Variants in SRPK2 observed in about 807,000 individuals in gnomAD.
The protein encoded by SRPK2 is SFRS protein kinase 2.
In SRPK2, 21 loss-of-function variants were observed where a neutral mutation model predicts 90.8. The observed-to-expected ratio is 0.23, with a 90% CI of 0.16 to 0.33. SRPK2 has a LOEUF of 0.33. SRPK2 is among the 10% of genes least tolerant of loss of function. SRPK2 has a pLI of 1.00. For missense variants in SRPK2, 620 were observed against 869.0 expected (o/e 0.71, Z 3.60); for synonymous variants, 288 against 311.1 (o/e 0.93, Z 0.78).
At chr7:105,299,698 G>C (rs927213351) in intron 2 of SRPK2, among the ~76,000 whole-genome samples, 1 of 152,246 alleles carries the variant, frequency 6.6e-6, no homozygotes, top group Non-Finnish European at 1.5e-5. Flanking sequence ...TTCTAGACCA[G>C]CCTGGTTAAC....
intron 3 of SRPK2, among the ~76,000 whole-genome samples, chr7:105,169,645 T>C (rs1476134627): frequency 6.6e-6 from 1 of 152,070 alleles, no homozygotes; most frequent in Non-Finnish European, 1.5e-5. Flanking sequence ...GAGAATCACT[T>C]GAAACTGGGA....
chr7:105,299,679 G>A (rs58907242), intron 2 of SRPK2, among the ~76,000 whole-genome samples: 1,621 of 152,192 alleles, frequency 0.011, 23 homozygotes, highest in African/African-American at 0.037. Flanking sequence ...GACCATCTGA[G>A]GTCAGGAGTT....
upstream of SRPK2, among the ~76,000 whole-genome samples, chr7:105,392,274 AGGT>A (rs1329384358): frequency 1.3e-5 from 2 of 152,144 alleles, no homozygotes; most frequent in Non-Finnish European, 2.9e-5. Context: ...TGCTAGATAG[AGGT>A]GGTGGTGGCA....
Position 105,146,642 on chromosome 7 carries a change from T to C in SRPK2, c.638A>G (p.Asp213Gly). 6.2e-7 allele frequency: 1 copy of C among 1,614,152 alleles called. No individual in the cohort carries two copies. The highest frequency in any genetic ancestry group is 8.5e-7 in the Non-Finnish European group (1 of 1,179,968). ...SIIRQVLQGL[D>G]YLHSKCKIIH... The stretch of plus-strand genomic sequence containing the variant: ...GATCTTGCACTTACTGTGTAAGTAA[T>C]CTAACCCTTGAAGGACCTGGATATA... Residue 213 changes from aspartate to glycine, a missense_variant, in exon 8 of 16, where the codon GAT becomes GGT. This residue lies in a region of SRPK2 where 196 missense variants were observed against 339.2 expected (regional missense o/e 0.58). Coordinates refer to ENST00000393651, the MANE Select transcript of SRPK2 (RefSeq NM_182692.3).
intron 2 of SRPK2, among the ~76,000 whole-genome samples, chr7:105,232,178 G>C (rs192194073): frequency 6.6e-5 from 10 of 152,232 alleles, no homozygotes; most frequent in African/African-American, 2.4e-4. Context: ...TTAAGATCAA[G>C]TTTGCAGGCC....
rs1049306370 is a variant in SRPK2 at position 105,142,239 on chromosome 7, A to G, written c.1312T>C (p.Tyr438His). 6.2e-7 allele frequency: 1 copy of G among 1,614,138 alleles called. No individual in the cohort carries two copies. Among genetic ancestry groups the G allele is most frequent in the East Asian group, 2.2e-5 (1 of 44,890 alleles). Residue 438 changes from tyrosine (Y) to histidine (H), a missense_variant, in exon 11 of 16, where the codon TAT becomes CAT. Coordinates refer to ENST00000393651, the MANE Select transcript of SRPK2 (RefSeq NM_182692.3). The part of the protein sequence containing the change: ...DEPNAESDYT[Y>H]SSSYEQFNGE... ...TTGAATTGTTCATAGGAGCTGCTAT[A>G]TGTGTAATCACTTTCTGCATTTGGC...
rs552089342 is a variant in SRPK2, at chr7:105,344,902, G to A, written c.71+43746C>T. On this transcript the variant is annotated intron_variant, in intron 2 of 15. Coordinates refer to ENST00000393651, the MANE Select transcript of SRPK2 (RefSeq NM_182692.3). ...CTGTAATCCCAACACTTTGGAGGCC[G>A]AAGTGGGTGGATCACCAGAGGTCAG... 1.7e-4 allele frequency among the ~76,000 whole-genome samples: 26 copies of A among 150,934 alleles called. No homozygotes were observed. In the South Asian group the frequency reaches 5.4e-3, roughly 32 times the overall value.
rs777759395 is a variant in SRPK2 at position 105,303,941 on chromosome 7, G to A, written c.71+84707C>T. ...TGTTTTGGATCTTTTGTTAACAGCT[G>A]AAAAAAACAGAAATATTTTGAGAAA... On this transcript the variant is annotated intron_variant, in intron 2 of 15. Coordinates refer to ENST00000393651, the MANE Select transcript of SRPK2 (RefSeq NM_182692.3). Among the ~76,000 whole-genome samples the A allele has an allele frequency of 4.7e-3, 720 of 152,186 alleles. 5 individuals carry two copies. Among genetic ancestry groups the A allele is most frequent in the Non-Finnish European group, 7.6e-3 (518 of 67,984 alleles).
At chr7:105,157,195 A>G (rs1806631827) in intron 7 of SRPK2, among the ~76,000 whole-genome samples, 1 of 152,234 alleles carries the variant, frequency 6.6e-6, no homozygotes, top group African/African-American at 2.4e-5. Flanking sequence ...CATCAAGAGT[A>G]AAAGACATGG....
chr7:105,125,704 C>T, intron 15 of SRPK2: 1 of 554,014 alleles, frequency 1.8e-6, no homozygotes, highest in Non-Finnish European at 2.8e-6. Context: ...TCTTTCTCCA[C>T]TGCCCAATCA....
intron 2 of SRPK2, among the ~76,000 whole-genome samples, chr7:105,296,822 T>G (rs1054206449): frequency 2.0e-5 from 3 of 151,972 alleles, no homozygotes; most frequent in African/African-American, 7.3e-5. Context: ...CTCCATGGAG[T>G]AGACACTGTC....
downstream of SRPK2, chr7:105,115,534 C>G (rs895305830): frequency 6.6e-6 from 1 of 152,168 alleles, no homozygotes; most frequent in Non-Finnish European, 1.5e-5. Context: ...ATAGGACATT[C>G]AATTGAAGTC....
At chr7:105,153,633 A>AACTGTAAAAAGTTGCT (rs1806076869) in intron 7 of SRPK2, among the ~76,000 whole-genome samples, 1 of 152,184 alleles carries the variant, frequency 6.6e-6, no homozygotes, top group Non-Finnish European at 1.5e-5. Context: ...GAATGAGAGC[A>AACTGTAAAAAGTTGCT]ACTTTCCAAA....
At chr7:105,214,423 C>A (rs1479581721) in intron 2 of SRPK2, among the ~76,000 whole-genome samples, 2 of 152,140 alleles carry the variant, frequency 1.3e-5, no homozygotes, top group Non-Finnish European at 2.9e-5. Flanking sequence ...ATATCTGATA[C>A]CCTGCAGCTC....
chr7:105,123,797 G>A (rs947002889), intron 15 of SRPK2, among the ~76,000 whole-genome samples: 3 of 152,066 alleles, frequency 2.0e-5, no homozygotes, highest in Admixed American at 1.3e-4. Flanking sequence ...AAGAACTGAA[G>A]TCCCAATTCC....
intron 2 of SRPK2, among the ~76,000 whole-genome samples, chr7:105,337,450 C>A (rs1815237734): frequency 6.6e-6 from 1 of 151,760 alleles, no homozygotes; most frequent in Non-Finnish European, 1.5e-5. Flanking sequence ...GAGTAGCCAG[C>A]ATTACAGGCG....
At chr7:105,221,788 T>G (rs765537475) in intron 2 of SRPK2, among the ~76,000 whole-genome samples, 2 of 152,216 alleles carry the variant, frequency 1.3e-5, no homozygotes, top group African/African-American at 2.4e-5. Context: ...ACTGGTGATT[T>G]TTCTGCTTGA....
Position 105,182,215 on chromosome 7 carries a change from G to C in SRPK2, c.230-12950C>G, listed in dbSNP as rs180891294. ...CACTGCACTCCAGCCTGGGCAACAA[G>C]TGCAAGACTCTGTCTCAAAAAAAAA... is the stretch of plus-strand genomic sequence containing the variant. On this transcript the variant is annotated intron_variant, in intron 3 of 15. Transcript: ENST00000393651. Among the ~76,000 whole-genome samples, 276 of 129,744 alleles carry C rather than the reference G, an allele frequency of 2.1e-3. 2 individuals are homozygous for C. Among genetic ancestry groups the C allele is most frequent in the Middle Eastern group, 9.2e-3 (2 of 218 alleles). The allele number at this position is 129,744 out of a possible 152,430, so 85.1% of individuals were successfully genotyped here.
intron 2 of SRPK2, among the ~76,000 whole-genome samples, chr7:105,285,346 C>A (rs1375620482): frequency 7.1e-6 from 1 of 140,008 alleles, no homozygotes; most frequent in Non-Finnish European, 1.5e-5. Context: ...CATCGTACCA[C>A]TGCACTCTAA....
Sources: gnomAD v4.1 joint callset for allele counts (sites outside exome capture counted in the v4.1 genomes callset) on GRCh38, gnomAD v4.1.1 for gene constraint, gnomAD v4.1.1 regional missense constraint, MANE v1.5 for transcripts, NCBI Gene and HGNC (gene_info 2026-07-23, HGNC 2026-07-21) for gene names.